The following CDH17 variants were observed in gnomAD, a reference collection of about 807,000 sequenced individuals.
The protein encoded by CDH17 is cadherin 17.
CDH17 carries 67 observed loss-of-function variants against 86.3 expected under a neutral mutation model. That is an observed-to-expected ratio of 0.78 (90% CI 0.64 to 0.95). CDH17 has a LOEUF of 0.95. CDH17 is among the 40% of genes least tolerant of loss of function. The pLI, the probability that CDH17 is intolerant of heterozygous loss-of-function variation, is 0.00. For synonymous variants in CDH17, 367 were observed against 366.4 expected (o/e 1.00, Z -0.02); for missense variants, 993 against 1,017.6 (o/e 0.98, Z 0.33).
At chr8:94,129,344 T>C (rs993116865) in intron 17 of CDH17, among the ~76,000 whole-genome samples, 1 of 152,070 alleles carries the variant, frequency 6.6e-6, no homozygotes, top group African/African-American at 2.4e-5. Flanking sequence ...TAGATAGTGG[T>C]TCTCAGGGAG....
chr8:94,169,573 A>G (rs1382153643), intron 9 of CDH17, among the ~76,000 whole-genome samples: 2 of 152,200 alleles, frequency 1.3e-5, no homozygotes, highest in Non-Finnish European at 2.9e-5. Flanking sequence ...CCACAAGGGC[A>G]GTGAAGCTCT....
intron 14 of CDH17, among the ~76,000 whole-genome samples, chr8:94,147,314 A>C (rs1812762929): frequency 6.6e-6 from 1 of 152,150 alleles, no homozygotes; most frequent in East Asian, 1.9e-4. Context: ...CTGTCCATTC[A>C]CACACACCCC....
intron 13 of CDH17, among the ~76,000 whole-genome samples, chr8:94,149,613 C>T: frequency 6.6e-6 from 1 of 152,048 alleles, no homozygotes; most frequent in East Asian, 1.9e-4. Flanking sequence ...GCACCAAGGG[C>T]CAAGGAACAG....
rs1812331709 is a variant in CDH17 at position 94,127,859 on chromosome 8, C to CAAGGCAGGCAGATCACTTG, written c.*362_*380dup. 5.0e-6 allele frequency: 1 copy of CAAGGCAGGCAGATCACTTG among 198,876 alleles called. No individual in the cohort carries two copies. Among genetic ancestry groups the CAAGGCAGGCAGATCACTTG allele is most frequent in the Admixed American group, 5.4e-5 (1 of 18,462 alleles). The allele number at this position is 198,876 out of a possible 1,614,324, so 12.3% of individuals were successfully genotyped here. On this transcript the variant is annotated 3_prime_UTR_variant, in exon 18 of 18. Transcript: ENST00000027335. ...GTGGTTCATGCCTGTATTGGGAGAC[C>CAAGGCAGGCAGATCACTTG]AAGGCAGGCAGATCACTTGACGTCA...
chr8:94,159,851 C>G, intron 12 of CDH17, 120 bp downstream of exon 12: 1 of 647,552 alleles, frequency 1.5e-6, no homozygotes, highest in African/African-American at 1.9e-5. Context: ...TCCAGGAACC[C>G]ATCACCATGC....
intron 3 of CDH17, among the ~76,000 whole-genome samples, chr8:94,185,846 C>A (rs894828659): frequency 1.3e-5 from 2 of 152,120 alleles, no homozygotes; most frequent in Non-Finnish European, 2.9e-5. Flanking sequence ...TTAAGCCTAT[C>A]CCCTTTTGAC....
chr8:94,192,274 A>G (rs566513772), intron 2 of CDH17, among the ~76,000 whole-genome samples: 4 of 152,224 alleles, frequency 2.6e-5, no homozygotes, highest in Non-Finnish European at 5.9e-5. Flanking sequence ...GAAGTGGGAA[A>G]GATGGTATGG....
intron 14 of CDH17, among the ~76,000 whole-genome samples, chr8:94,148,014 C>T (rs1434098826): frequency 2.0e-5 from 3 of 152,156 alleles, no homozygotes; most frequent in Non-Finnish European, 4.4e-5. Flanking sequence ...TTTTCTGCTT[C>T]AAAAAGGATG....
chr8:94,189,628 A>G (rs1813647716), intron 2 of CDH17, among the ~76,000 whole-genome samples: 2 of 152,250 alleles, frequency 1.3e-5, no homozygotes, highest in African/African-American at 4.8e-5. Flanking sequence ...ATGGTCTTCC[A>G]CAATCCCACA....
chr8:94,195,776 T>C (rs1733782876), intron 1 of CDH17, among the ~76,000 whole-genome samples: 1 of 132,736 alleles, frequency 7.5e-6, no homozygotes, highest in Non-Finnish European at 1.7e-5. Context: ...TTTTTTTTTT[T>C]TGGAGACAGA....
At chr8:94,171,262 A>G (rs2340029) in intron 7 of CDH17, among the ~76,000 whole-genome samples, 55,108 of 151,992 alleles carry the variant, frequency 0.36, 10,796 homozygotes, top group South Asian at 0.47. Context: ...TTTCTTTTGG[A>G]AGTCTGACTG....
intron 1 of CDH17, among the ~76,000 whole-genome samples, chr8:94,199,083 A>ATATATATATATATATT (rs1283889347): frequency 4.3e-5 from 1 of 23,222 alleles, no homozygotes; most frequent in African/African-American, 1.1e-4. Flanking sequence ...ATATATATAT[A>ATATATATATATATATT]TTTTTTTTTT....
chr8:94,157,922 G>A (rs1215871167), intron 12 of CDH17, among the ~76,000 whole-genome samples: 1 of 152,190 alleles, frequency 6.6e-6, no homozygotes. Flanking sequence ...TACGAGTATA[G>A]TGTATCCCTT....
At chr8:94,164,188 T>A (rs1402246581) in intron 10 of CDH17, among the ~76,000 whole-genome samples, 3 of 152,222 alleles carry the variant, frequency 2.0e-5, no homozygotes, top group Non-Finnish European at 2.9e-5. Context: ...CTACATGATT[T>A]TGTAACTTGT....
intron 3 of CDH17, among the ~76,000 whole-genome samples, chr8:94,188,938 A>G (rs1813631773): frequency 1.3e-5 from 2 of 152,128 alleles, no homozygotes; most frequent in Non-Finnish European, 2.9e-5. Flanking sequence ...TGCAGCCACC[A>G]AGCTCCCTGC....
intron 7 of CDH17, 77 bp downstream of exon 7, chr8:94,173,720 G>C: frequency 9.7e-7 from 1 of 1,035,658 alleles, no homozygotes; most frequent in Non-Finnish European, 1.5e-6. Context: ...TATCAGTGAA[G>C]ACTGTGAGGG....
At chr8:94,184,890 A>G (rs1234663995) in intron 3 of CDH17, among the ~76,000 whole-genome samples, 2 of 152,166 alleles carry the variant, frequency 1.3e-5, no homozygotes, top group African/African-American at 4.8e-5. Context: ...TTAAAAACCC[A>G]AGAACCAACC....
In CDH17 at chr8:94,170,543, A is replaced by C. The variant is rs1276192046; in HGVS notation, c.920T>G (p.Val307Gly). Residue 307 changes from valine (V) to glycine (G), a missense_variant, in exon 9 of 18, where the codon GTT becomes GGT. By Grantham distance (109) the Val-to-Gly change is moderately radical (BLOSUM62 -3). Transcript: ENST00000027335. Reference sequence around the variant, plus strand: ...CTCATCCTTTGCAACTGCATAAAAAACATACTACAACAGGAAAGTCAGAGT... The same window carrying C: ...CTCATCCTTTGCAACTGCATAAAAACCATACTACAACAGGAAAGTCAGAGT... ...PLDREEKDAYVFYAVAKDEYG... is the reference protein window; with the variant it reads ...PLDREEKDAYGFYAVAKDEYG... 2 of 1,613,600 alleles carry C rather than the reference A, an allele frequency of 1.2e-6. No homozygotes were observed. The highest frequency in any genetic ancestry group is 1.1e-5 in the South Asian group (1 of 91,028).
intron 15 of CDH17, among the ~76,000 whole-genome samples, chr8:94,132,975 G>A (rs762834175): frequency 1.3e-5 from 2 of 152,074 alleles, no homozygotes; most frequent in African/African-American, 2.4e-5. Context: ...TCACATGATT[G>A]TACATGTGTG....
Sources: allele counts gnomAD v4.1 joint callset (sites outside exome capture counted in the v4.1 genomes callset), GRCh38; gene constraint gnomAD v4.1.1; transcripts MANE v1.5; gene names NCBI Gene and HGNC (gene_info 2026-07-23, HGNC 2026-07-21).